The following NFATC2IP variants were observed in gnomAD, a reference collection of about 807,000 sequenced individuals.
NFATC2IP encodes the protein NFATC2-interacting protein.
A neutral mutation model predicts 40.2 loss-of-function variants in NFATC2IP; 25 were observed. The ratio of observed to expected loss-of-function variants is 0.62; its 90% CI spans 0.45 to 0.87. The LOEUF is 0.87. Ranked by LOEUF, NFATC2IP falls within the 40% of genes least tolerant of loss-of-function variation. The pLI is 0.00. For missense variants in NFATC2IP, 553 were observed against 555.6 expected, an observed-to-expected ratio of 1.00 and a Z score of 0.05; for synonymous variants, 241 against 236.3, an observed-to-expected ratio of 1.02 and a Z score of -0.18.
chr16:28,959,816 C>T (rs143829579), intron 7 of NFATC2IP, among the ~76,000 whole-genome samples: 2,276 of 152,244 alleles, frequency 0.015, 50 homozygotes, highest in African/African-American at 0.051. Flanking sequence ...GAGCCACCCA[C>T]CTTGGCCTCC....
At chr16:28,963,672 TTCTGACG>T in intron 7 of NFATC2IP, 26 bp from the exon 8 acceptor site, 1 of 1,607,846 alleles carries the variant, frequency 6.2e-7, no homozygotes, top group Non-Finnish European at 8.5e-7. Flanking sequence ...CCCTTTCATG[TTCTGACG>T]TCCATTTTCT....
chr16:28,962,187 T>C (rs1159037541), intron 7 of NFATC2IP, among the ~76,000 whole-genome samples: 1 of 152,146 alleles, frequency 6.6e-6, no homozygotes, highest in African/African-American at 2.4e-5. Flanking sequence ...ATTACAGGCA[T>C]GAGCCACTGC....
chr16:28,951,336 C>CGGG lies in NFATC2IP; in HGVS notation c.327_328insGGG (p.Arg109_Arg110insGly). Reference sequence around the variant, plus strand: ...AGGACCCCCGCGGGAGCCGGTCAGGCGGCGGCGGCGGCTGGTGCTGGATCC... The same window carrying CGGG: ...AGGACCCCCGCGGGAGCCGGTCAGGCGGGGGCGGCGGCGGCTGGTGCTGGATCC... On this transcript the variant is annotated inframe_insertion, in exon 1 of 8. Transcript: ENST00000320805. The CGGG allele has an allele frequency of 7.3e-7, 1 of 1,368,956 alleles. No homozygotes were observed. The highest frequency in any genetic ancestry group is 3.5e-5 in the Admixed American group (1 of 28,762). The allele number at this position is 1,368,956 out of a possible 1,614,324, so 84.8% of individuals were successfully genotyped here. A position where few individuals can be genotyped will look rare whatever the true frequency, so the allele number is the denominator to read the frequency against.
intron 6 of NFATC2IP, 60 bp downstream of exon 6, chr16:28,958,921 GAGA>G (rs1965052740): frequency 6.2e-7 from 1 of 1,608,190 alleles, no homozygotes; most frequent in African/African-American, 1.3e-5. Flanking sequence ...GGGATATGGG[GAGA>G]GGTTCAGCAC....
chr16:28,963,639 T>TCTATCCCTACGGGATCCCCGC (rs1965112400), intron 7 of NFATC2IP, 66 bp from the exon 8 acceptor site: 2 of 1,463,270 alleles, frequency 1.4e-6, no homozygotes, highest in Non-Finnish European at 1.9e-6. Context: ...AAGTTCCTCG[T>TCTATCCCTACGGGATCCCCGC]CTATCCCTAC....
At position 28,963,819 on chromosome 16, in the gene NFATC2IP, G is replaced by A; in HGVS notation, c.1216G>A (p.Asp406Asn). ...TKLSGRELPADLGMESGDLIE... is the reference protein window; with the variant it reads ...TKLSGRELPANLGMESGDLIE... ...GCTTTCAGGCAGGGAGCTGCCAGCT[G>A]ACCTGGGCATGGAATCTGGGGACCT... Residue 406 changes from aspartate (D) to asparagine (N), a missense_variant, in exon 8 of 8, where the codon GAC (aspartate) becomes AAC (asparagine). Physicochemically the swap from Asp to Asn is conservative, Grantham distance 23 (BLOSUM62 1). Transcript: ENST00000320805. 6.2e-7 allele frequency: 1 copy of A among 1,614,226 alleles called. No individual in the cohort carries two copies. The highest frequency in any genetic ancestry group is 1.3e-5 in the African/African-American group (1 of 75,072).
intron 1 of NFATC2IP, 61 bp downstream of exon 1, chr16:28,951,459 G>A: frequency 7.4e-7 from 1 of 1,353,440 alleles, no homozygotes; most frequent in Non-Finnish European, 9.5e-7. Flanking sequence ...TCCAGGGAGG[G>A]GCCGGCGTTC....
intron 7 of NFATC2IP, 41 bp downstream of exon 7, chr16:28,959,141 C>G (rs1965055990): frequency 1.7e-6 from 2 of 1,205,596 alleles, no homozygotes; most frequent in Non-Finnish European, 2.5e-6. Context: ...TCACCCTGTC[C>G]TCTGCTGCCT....
intron 3 of NFATC2IP, 152 bp downstream of exon 3, chr16:28,954,834 G>GAA (rs1350922978): frequency 1.7e-6 from 1 of 576,054 alleles, no homozygotes; most frequent in Admixed American, 2.9e-5. Context: ...ATCGCTTGGG[G>GAA]AAAAGAGGTG....
chr16:28,963,883 CG>C lies in NFATC2IP; in HGVS notation c.*22del. 6.2e-7 allele frequency: 1 copy of C among 1,612,568 alleles called. No individual in the cohort carries two copies. The highest frequency in any genetic ancestry group is 8.5e-7 in the Non-Finnish European group (1 of 1,178,718). ...GGCTGACACCCCACTCCCTGTTTGA[CG>C]GCCCAGCCTGGACTTGGGGAGAATG... On this transcript the variant is annotated 3_prime_UTR_variant, in exon 8 of 8. Transcript: ENST00000320805.
chr16:28,960,117 T>A (rs1266236324), intron 7 of NFATC2IP, among the ~76,000 whole-genome samples: 1 of 152,148 alleles, frequency 6.6e-6, no homozygotes, highest in African/African-American at 2.4e-5. Context: ...CACGGTGTTC[T>A]CCATGTGTCT....
At chr16:28,952,510 C>A in intron 2 of NFATC2IP, 1 of 345,338 alleles carries the variant, frequency 2.9e-6, no homozygotes, top group Non-Finnish European at 5.3e-6. Context: ...AACACTGGAG[C>A]CAGCAGGGTG....
chr16:28,964,082 C>G lies in NFATC2IP; in HGVS notation c.*219C>G, dbSNP rs578044564. ...TGTTGCCCTGGGTGGCCTGTGGCTC[C>G]GTCCACAAGTCATGCTGAGTTTTGC... On this transcript the variant is annotated 3_prime_UTR_variant, in exon 8 of 8. Transcript: ENST00000320805. The G allele has an allele frequency of 5.6e-6, 3 of 535,364 alleles. No homozygotes were observed. The South Asian group carries it at 7.2e-5, about 13-fold the overall frequency. The allele number at this position is 535,364 out of a possible 1,614,324, so 33.2% of individuals were successfully genotyped here. A position where few individuals can be genotyped will look rare whatever the true frequency, so the allele number is the denominator to read the frequency against.
In NFATC2IP at chr16:28,959,146, C is replaced by T. The variant is rs767170690; in HGVS notation, c.1101+46C>T. ...TCCACGCCCCTCACCCTGTCCTCTG[C>T]TGCCTCTTGTCTCTCTTGTCAGTTA... On this transcript the variant is annotated intron_variant, in intron 7 of 7. Transcript: ENST00000320805. 7.6e-6 allele frequency: 9 copies of T among 1,184,970 alleles called. No homozygotes were observed. In the East Asian group the frequency reaches 1.4e-4, roughly 18 times the overall value. 73.4% of individuals were successfully genotyped at this position (1,184,970 alleles called of 1,614,324 possible).
intron 7 of NFATC2IP, among the ~76,000 whole-genome samples, chr16:28,960,874 C>T (rs1315333601): frequency 6.6e-6 from 1 of 152,130 alleles, no homozygotes; most frequent in Non-Finnish European, 1.5e-5. Context: ...TTCTAGCAGC[C>T]TTCTGTTCAT....
intron 2 of NFATC2IP, among the ~76,000 whole-genome samples, chr16:28,953,817 C>T (rs1238456008): frequency 6.6e-6 from 1 of 151,624 alleles, no homozygotes; most frequent in Non-Finnish European, 1.5e-5. Flanking sequence ...ACTCAGGAGG[C>T]TGAGGTGGGA....
At chr16:28,956,115 G>T in intron 4 of NFATC2IP, 36 bp from the exon 5 acceptor site, 1 of 1,613,418 alleles carries the variant, frequency 6.2e-7, no homozygotes, top group Non-Finnish European at 8.5e-7. Context: ...GAGGGTGGCT[G>T]ACTCCAGTTG....
chr16:28,958,233 C>T (rs938472979), intron 5 of NFATC2IP, among the ~76,000 whole-genome samples: 5 of 151,536 alleles, frequency 3.3e-5, no homozygotes, highest in Middle Eastern at 3.4e-3. Context: ...GTGGATCACC[C>T]GAATTCAAGA....
At chr16:28,958,677 A>G (rs770184400) in intron 5 of NFATC2IP, 40 bp from the exon 6 acceptor site, 2 of 1,573,490 alleles carry the variant, frequency 1.3e-6, no homozygotes, top group African/African-American at 2.7e-5. Context: ...ATGGATTTCA[A>G]GGCAGGAAGA....
Sources: allele counts gnomAD v4.1 joint callset (sites outside exome capture counted in the v4.1 genomes callset), GRCh38; gene constraint gnomAD v4.1.1; transcripts MANE v1.5; gene names NCBI Gene and HGNC (gene_info 2026-07-23, HGNC 2026-07-21).